CAPN8: variants seen among roughly 807,000 people sequenced by gnomAD.
CAPN8 encodes the protein calpain-8.
A neutral mutation model predicts 80.9 loss-of-function variants in CAPN8; 87 were observed. The observed-to-expected ratio is 1.07, with a 90% CI of 0.90 to 1.28. The LOEUF is 1.28. CAPN8 is among the 50% of genes most tolerant of loss of function. CAPN8 has a pLI of 0.00. For missense variants in CAPN8, 757 were observed against 702.0 expected (o/e 1.08, Z -0.89); for synonymous variants, 299 against 273.8 (o/e 1.09, Z -0.91).
intron 2 of CAPN8, among the ~76,000 whole-genome samples, chr1:223,631,022 A>T (rs946260780): frequency 2.6e-5 from 4 of 152,102 alleles, no homozygotes; most frequent in Non-Finnish European, 5.9e-5. Flanking sequence ...CAGGGCATCA[A>T]CACCCTTCAC....
intron 12 of CAPN8, 62 bp downstream of exon 12, chr1:223,609,091 G>T (rs1656969808): frequency 7.5e-6 from 3 of 397,566 alleles, no homozygotes; most frequent in African/African-American, 4.1e-5. Context: ...ACCTGCATGG[G>T]GCCATTTCCC....
At chr1:223,642,459 G>A (rs1658069287) in intron 2 of CAPN8, among the ~76,000 whole-genome samples, 1 of 152,170 alleles carries the variant, frequency 6.6e-6, no homozygotes, top group Admixed American at 6.5e-5. Flanking sequence ...CGACCCAGAA[G>A]GGGCCTCTCA....
intron 10 of CAPN8, among the ~76,000 whole-genome samples, chr1:223,613,267 G>A (rs1657080971): frequency 6.6e-6 from 1 of 152,228 alleles, no homozygotes; most frequent in South Asian, 2.1e-4. Flanking sequence ...ATGGGTCATT[G>A]GCAGCAGAAG....
chr1:223,616,274 C>A (rs1040509590), intron 9 of CAPN8, 129 bp from the exon 10 acceptor site: 4 of 1,065,022 alleles, frequency 3.8e-6, no homozygotes, highest in Non-Finnish European at 5.3e-6. Context: ...GCCTAGTAAG[C>A]AGGCCTCAGA....
chr1:223,626,929 C>G lies in CAPN8; in HGVS notation c.729+60G>C, dbSNP rs1333304521. The G allele has an allele frequency of 4.7e-5, 72 of 1,520,968 alleles. No homozygotes were observed. The East Asian group carries it at 1.8e-3, about 37-fold the overall frequency. The allele number at this position is 1,520,968 out of a possible 1,614,324, so 94.2% of individuals were successfully genotyped here. A position where few individuals can be genotyped will look rare whatever the true frequency, so the allele number is the denominator to read the frequency against. ...TCTCTCCCGCTGTCTCATCCCTTCCCTACCACACAAGGGGTGGCGGTGGGG... is the reference window on the plus strand; with the variant it reads ...TCTCTCCCGCTGTCTCATCCCTTCCGTACCACACAAGGGGTGGCGGTGGGG... On this transcript the variant is annotated intron_variant, in intron 5 of 20. Transcript: ENST00000366872.
chr1:223,656,951 T>G (rs181721998), intron 1 of CAPN8, among the ~76,000 whole-genome samples: 1 of 152,296 alleles, frequency 6.6e-6, no homozygotes, highest in East Asian at 1.9e-4. Flanking sequence ...CCCAAAGTGC[T>G]GGGATTACAG....
Position 223,627,051 on chromosome 1 carries a change from T to C in CAPN8, c.667A>G (p.Asn223Asp), listed in dbSNP as rs1173582365. The C allele has an allele frequency of 6.4e-7, 1 of 1,551,708 alleles. No homozygotes were observed. The highest frequency in any genetic ancestry group is 2.4e-5 in the East Asian group (1 of 40,930). The part of the protein sequence containing the change: ...EFYDLKKPPA[N>D]LYQIIRKALC... ...GCCTTCCGGATGATCTGATATAGAT[T>C]GGCTGGTGGTTTCTTCAGGTCATAA... The change falls in exon 5 of 21, where the codon AAT (asparagine) becomes GAT (aspartate). Residue 223 changes from asparagine (N) to aspartate (D), a missense_variant. Physicochemically the swap from Asn to Asp is conservative, Grantham distance 23. Coordinates refer to ENST00000366872, the MANE Select transcript of CAPN8 (RefSeq NM_001143962.2).
At chr1:223,619,649 C>T (rs1657321549) in intron 8 of CAPN8, among the ~76,000 whole-genome samples, 196 bp from the exon 9 acceptor site, 1 of 152,246 alleles carries the variant, frequency 6.6e-6, no homozygotes. Context: ...CTTCTTGGCT[C>T]TTACAGGGAG....
At chr1:223,622,392 T>A (rs550844222) in intron 7 of CAPN8, among the ~76,000 whole-genome samples, 2 of 152,192 alleles carry the variant, frequency 1.3e-5, no homozygotes, top group East Asian at 3.9e-4. Flanking sequence ...GCTCCTAGGG[T>A]CAAATTTCAT....
At chr1:223,656,105 T>G (rs1401474205) in intron 1 of CAPN8, among the ~76,000 whole-genome samples, 1 of 151,596 alleles carries the variant, frequency 6.6e-6, no homozygotes, top group African/African-American at 2.4e-5. Context: ...ATAGCCTCTA[T>G]AAGGTGCTGG....
In CAPN8 at chr1:223,624,873, T is replaced by C. The variant is rs191113317; in HGVS notation, c.813+932A>G. On this transcript the variant is annotated intron_variant, in intron 6 of 20. Transcript: ENST00000366872. ...ACTTTGGGAGGTCGAGGCGGGCAGA[T>C]CATGAGGTCAGGAAATCGAGACCAT... 8.5e-5 allele frequency among the ~76,000 whole-genome samples: 13 copies of C among 152,186 alleles called. No homozygotes were observed. The East Asian group carries it at 2.5e-3, about 29-fold the overall frequency.
At chr1:223,662,095 A>C (rs1032126102) in intron 1 of CAPN8, among the ~76,000 whole-genome samples, 1 of 152,222 alleles carries the variant, frequency 6.6e-6, no homozygotes, top group Non-Finnish European at 1.5e-5. Context: ...AATTCCACTT[A>C]TATGAGGTAC....
At position 223,625,791 on chromosome 1, in the gene CAPN8, C is replaced by T. The variant is rs1558346106; in HGVS notation, c.813+14G>A. The T allele has an allele frequency of 1.9e-6, 3 of 1,544,066 alleles. No individual in the cohort carries two copies. Among genetic ancestry groups the T allele is most frequent in the Non-Finnish European group, 2.6e-6 (3 of 1,140,270 alleles). On this transcript the variant is annotated intron_variant, in intron 6 of 20. Transcript: ENST00000366872. ...TATCACACGTTACCTTCCCCACCTT[C>T]CACACAATTTTACCTCTTCGACTCC...
At position 223,625,907 on chromosome 1, in the gene CAPN8, C is replaced by T. The variant is rs190101258; in HGVS notation, c.730-19G>A. Reference sequence around the variant, plus strand: ...TGGAGACCTGCGTAGAGAAGAAAGTCCACTCAGTGGCTGACCCTGACCTCT... The same window carrying T: ...TGGAGACCTGCGTAGAGAAGAAAGTTCACTCAGTGGCTGACCCTGACCTCT... On this transcript the variant is annotated intron_variant, in intron 5 of 20. Transcript: ENST00000366872. 3.6e-5 allele frequency: 56 copies of T among 1,546,208 alleles called. No homozygotes were observed. Among genetic ancestry groups the T allele is most frequent in the Non-Finnish European group, 4.5e-5 (51 of 1,142,320 alleles).
At chr1:223,543,272 T>G in intron 19 of CAPN8, 106 bp from the exon 20 acceptor site, 1 of 1,323,078 alleles carries the variant, frequency 7.6e-7, no homozygotes, top group African/African-American at 1.5e-5. Flanking sequence ...GGAACTCTCC[T>G]TTCCCCTACC....
intron 2 of CAPN8, among the ~76,000 whole-genome samples, chr1:223,634,670 G>T (rs1657864979): frequency 6.6e-6 from 1 of 152,168 alleles, no homozygotes. Context: ...TTCATAAATG[G>T]CTGTCTTCCA....
At chr1:223,549,461 T>G in intron 15 of CAPN8, 79 bp from the exon 16 acceptor site, 1 of 1,543,924 alleles carries the variant, frequency 6.5e-7, no homozygotes, top group Middle Eastern at 1.7e-4. Flanking sequence ...GTAGAAGACC[T>G]CCAAAGATAC....
chr1:223,542,305 GTGTATATA>G (rs996497100), intron 20 of CAPN8, among the ~76,000 whole-genome samples: 3 of 151,524 alleles, frequency 2.0e-5, no homozygotes, highest in Non-Finnish European at 4.4e-5. Context: ...ATATTTGTGT[GTGTATATA>G]TGTATATTTT....
Position 223,628,625 on chromosome 1 carries a change from G to C in CAPN8, c.426+37C>G, listed in dbSNP as rs764317960. ...ACCTGCAGTGAGCCCTAAGAATACG[G>C]AAAACAGCAACAAAGGGCCAGAGCA... is the stretch of plus-strand genomic sequence containing the variant. On this transcript the variant is annotated intron_variant, in intron 3 of 20. Coordinates refer to ENST00000366872, the MANE Select transcript of CAPN8 (RefSeq NM_001143962.2). 3.3e-6 allele frequency: 5 copies of C among 1,509,152 alleles called. No homozygotes were observed. The African/African-American group carries it at 6.9e-5, about 21-fold the overall frequency. The allele number at this position is 1,509,152 out of a possible 1,614,324, so 93.5% of individuals were successfully genotyped here. A position where few individuals can be genotyped will look rare whatever the true frequency, so the allele number is the denominator to read the frequency against.
Sources: gnomAD v4.1 joint callset for allele counts (sites outside exome capture counted in the v4.1 genomes callset) on GRCh38, gnomAD v4.1.1 for gene constraint, MANE v1.5 for transcripts, NCBI Gene and HGNC (gene_info 2026-07-23, HGNC 2026-07-21) for gene names.